The following NXPE2 variants were observed in gnomAD, a reference collection of about 807,000 sequenced individuals.
NXPE2 encodes NXPE family member 2.
NXPE2 carries 34 observed loss-of-function variants against 34.4 expected under a neutral mutation model. The ratio of observed to expected loss-of-function variants is 0.99; its 90% CI spans 0.75 to 1.31. The LOEUF (loss-of-function observed/expected upper bound fraction) is 1.31. Among genes scored for constraint, NXPE2 ranks in the 40% most tolerant of loss-of-function variants. The pLI is 0.00. For missense variants in NXPE2, 649 were observed against 672.5 expected, an observed-to-expected ratio of 0.97 and a Z score of 0.39; for synonymous variants, 235 against 231.3, an observed-to-expected ratio of 1.02 and a Z score of -0.15.
At chr11:114,625,639 G>A in the NXPE2 span, among the ~76,000 whole-genome samples, 93 of 152,242 alleles carry the variant, frequency 6.1e-4, 1 homozygote, top group Admixed American at 5.0e-3. Context: ...GCTGTTACCC[G>A]GTGGATAATA....
At chr11:114,644,183 C>T in the NXPE2 span, among the ~76,000 whole-genome samples, 5 of 152,160 alleles carry the variant, frequency 3.3e-5, no homozygotes, top group African/African-American at 1.2e-4. Flanking sequence ...TCTAAATATA[C>T]AATCATGGCA....
At chr11:114,688,225 A>G (rs1027821837) in intron 2 of NXPE2, among the ~76,000 whole-genome samples, 1 of 152,096 alleles carries the variant, frequency 6.6e-6, no homozygotes, top group Admixed American at 6.6e-5. Flanking sequence ...TGGGTTTGCC[A>G]TAGATAGCCG....
chr11:114,738,708 C>T, the NXPE2 span, among the ~76,000 whole-genome samples: 2 of 152,246 alleles, frequency 1.3e-5, no homozygotes, highest in East Asian at 1.9e-4. Context: ...GTGATGGTTA[C>T]GTTAACATCA....
the NXPE2 span, among the ~76,000 whole-genome samples, chr11:114,751,312 C>G: frequency 1.3e-5 from 2 of 152,126 alleles, no homozygotes; most frequent in African/African-American, 4.8e-5. Flanking sequence ...ATACACCATT[C>G]GTTGGTTGAT....
chr11:114,478,922 G>T, the NXPE2 span, among the ~76,000 whole-genome samples: 1 of 152,302 alleles, frequency 6.6e-6, no homozygotes, highest in East Asian at 1.9e-4. Flanking sequence ...TTATGTTCCG[G>T]CAGGGAATGA....
At chr11:114,714,750 G>A in the NXPE2 span, among the ~76,000 whole-genome samples, 20 of 152,244 alleles carry the variant, frequency 1.3e-4, no homozygotes, top group African/African-American at 2.6e-4. Context: ...AAGGCTGGAC[G>A]CAGTGGCTCA....
chr11:114,800,512 T>C, the NXPE2 span, among the ~76,000 whole-genome samples: 4 of 152,228 alleles, frequency 2.6e-5, no homozygotes, highest in Non-Finnish European at 4.4e-5. Context: ...TTTTATGCTG[T>C]TGTTGTTAGC....
the NXPE2 span, among the ~76,000 whole-genome samples, chr11:114,727,541 T>A: frequency 6.6e-6 from 1 of 152,028 alleles, no homozygotes; most frequent in Non-Finnish European, 1.5e-5. Context: ...ATATTTTTAA[T>A]GAAAACAATA....
chr11:114,579,291 C>T, the NXPE2 span, among the ~76,000 whole-genome samples: 1 of 152,174 alleles, frequency 6.6e-6, no homozygotes, highest in Non-Finnish European at 1.5e-5. Context: ...ATGAGAGATC[C>T]ACCTCCGTGA....
chr11:114,577,409 G>A, the NXPE2 span, among the ~76,000 whole-genome samples: 167 of 152,098 alleles, frequency 1.1e-3, no homozygotes, highest in Non-Finnish European at 2.0e-3. Context: ...GAAAGGGTCA[G>A]CGTTGGCGAG....
chr11:114,746,498 T>A, the NXPE2 span, among the ~76,000 whole-genome samples: 2 of 152,110 alleles, frequency 1.3e-5, no homozygotes, highest in African/African-American at 2.4e-5. Context: ...GAACCAAGAA[T>A]TAGTAGGAGA....
At chr11:114,543,193 T>TA in the NXPE2 span, among the ~76,000 whole-genome samples, 1 of 152,004 alleles carries the variant, frequency 6.6e-6, no homozygotes, top group African/African-American at 2.4e-5. Context: ...CTGTGTTTAC[T>TA]AAAAATACAA....
At chr11:114,513,055 G>C in the NXPE2 span, 1 of 462,288 alleles carries the variant, frequency 2.2e-6, no homozygotes, top group African/African-American at 2.0e-5. Context: ...AGAACAAAGT[G>C]AATCTGACCA....
chr11:114,465,657 ATG>A, the NXPE2 span, among the ~76,000 whole-genome samples: 2 of 152,086 alleles, frequency 1.3e-5, no homozygotes, highest in Non-Finnish European at 2.9e-5. Context: ...TAAAATACAC[ATG>A]TGTTTTATTT....
chr11:114,540,201 C>T, the NXPE2 span, among the ~76,000 whole-genome samples: 1 of 152,164 alleles, frequency 6.6e-6, no homozygotes, highest in Non-Finnish European at 1.5e-5. Flanking sequence ...AAGTGATCTG[C>T]CTGCCTCGGC....
the NXPE2 span, among the ~76,000 whole-genome samples, chr11:114,518,911 T>C: frequency 6.6e-6 from 1 of 152,194 alleles, no homozygotes; most frequent in African/African-American, 2.4e-5. Flanking sequence ...TATTCCCTAG[T>C]TAATTTCATG....
the NXPE2 span, among the ~76,000 whole-genome samples, chr11:114,596,191 C>A: frequency 6.6e-5 from 10 of 152,104 alleles, no homozygotes; most frequent in African/African-American, 2.4e-4. Context: ...CTGAATTGAA[C>A]TAAAAGAACT....
chr11:114,632,706 TATA>T, the NXPE2 span, among the ~76,000 whole-genome samples: 7 of 77,166 alleles, frequency 9.1e-5, no homozygotes, highest in East Asian at 1.2e-3. Context: ...ATTTATATAA[TATA>T]ATATAATATA....
At chr11:114,625,488 G>A in the NXPE2 span, among the ~76,000 whole-genome samples, 1 of 152,150 alleles carries the variant, frequency 6.6e-6, no homozygotes, top group Non-Finnish European at 1.5e-5. Flanking sequence ...AATATGTATG[G>A]CCTCGTGGGT....
Sources: gnomAD v4.1 joint callset for allele counts (sites outside exome capture counted in the v4.1 genomes callset) on GRCh38, gnomAD v4.1.1 for gene constraint, MANE v1.5 for transcripts, NCBI Gene and HGNC (gene_info 2026-07-23, HGNC 2026-07-21) for gene names.